Variants in IPO11 observed in about 807,000 individuals in gnomAD.
IPO11 encodes the protein importin 11, also known as importin-11.
IPO11 carries 66 observed loss-of-function variants against 143.2 expected under a neutral mutation model. That is an observed-to-expected ratio of 0.46 (90% CI 0.38 to 0.57). IPO11 has a LOEUF of 0.57. Ranked by LOEUF, IPO11 falls within the 20% of genes least tolerant of loss-of-function variation. The probability of loss-of-function intolerance (pLI) is 0.00; values close to 1 mark genes in which losing one functional copy is unlikely to be tolerated. For missense variants in IPO11, 1,026 were observed against 1,141.0 expected, an observed-to-expected ratio of 0.90 and a Z score of 1.45; for synonymous variants, 385 against 377.8, an observed-to-expected ratio of 1.02 and a Z score of -0.22.
chr5:62,428,287 C>G (rs1284629627), intron 1 of IPO11, among the ~76,000 whole-genome samples: 6 of 152,124 alleles, frequency 3.9e-5, no homozygotes, highest in African/African-American at 1.4e-4. Context: ...ATCTTGGCCT[C>G]CTAAAGTGCT....
At chr5:62,468,349 A>G (rs1745639725) in intron 6 of IPO11, among the ~76,000 whole-genome samples, 1 of 152,238 alleles carries the variant, frequency 6.6e-6, no homozygotes, top group South Asian at 2.1e-4. Flanking sequence ...CAGTCTTGGC[A>G]TCGCCTTAAT....
chr5:62,443,280 T>TA lies in IPO11; in HGVS notation c.239+205dup, dbSNP rs530816177. On this transcript the variant is annotated intron_variant, in intron 3 of 29. Transcript: ENST00000325324. ...GGAGATTTGTGAAGTGTTTGATATT[T>TA]AAAAAAAATGCAAAAAAAGTGTTTA... The TA allele has an allele frequency of 1.9e-4, 82 of 443,102 alleles. 1 individual carries two copies. The highest frequency in any genetic ancestry group is 1.2e-3 in the African/African-American group (59 of 49,168). The allele number at this position is 443,102 out of a possible 1,614,324, so 27.4% of individuals were successfully genotyped here. A position where few individuals can be genotyped will look rare whatever the true frequency, so the allele number is the denominator to read the frequency against.
At chr5:62,563,306 A>G (rs1286931921) in intron 27 of IPO11, among the ~76,000 whole-genome samples, 3 of 152,196 alleles carry the variant, frequency 2.0e-5, no homozygotes, top group Admixed American at 6.5e-5. Context: ...TAATGAATGG[A>G]AAAAAATGAG....
intron 2 of IPO11, among the ~76,000 whole-genome samples, chr5:62,440,112 G>A (rs534469727): frequency 5.3e-5 from 8 of 152,254 alleles, no homozygotes; most frequent in Admixed American, 1.3e-4. Context: ...GATTCTAGGC[G>A]TAAGACAAGA....
At chr5:62,449,540 T>C (rs894962650) in intron 3 of IPO11, among the ~76,000 whole-genome samples, 2 of 151,966 alleles carry the variant, frequency 1.3e-5, no homozygotes, top group African/African-American at 2.4e-5. Flanking sequence ...TAGGCAACTA[T>C]TTTTACATCA....
At chr5:62,484,337 A>G (rs927118097) in intron 11 of IPO11, among the ~76,000 whole-genome samples, 175 bp downstream of exon 11, 4 of 152,186 alleles carry the variant, frequency 2.6e-5, no homozygotes, top group Non-Finnish European at 1.5e-5. Flanking sequence ...GAGAAGCAGA[A>G]AATGAATGAC....
intron 28 of IPO11, among the ~76,000 whole-genome samples, chr5:62,597,939 A>G (rs1197821093): frequency 6.6e-6 from 1 of 152,098 alleles, no homozygotes; most frequent in Non-Finnish European, 1.5e-5. Flanking sequence ...TTTCTACTCC[A>G]TCCCCTCAGC....
intron 19 of IPO11, 86 bp from the exon 20 acceptor site, chr5:62,515,302 C>T: frequency 2.6e-6 from 2 of 769,884 alleles, no homozygotes; most frequent in Non-Finnish European, 4.3e-6. Flanking sequence ...CTGTCTGGGA[C>T]TTAATAGTGC....
At chr5:62,420,861 G>C (rs560052194) in intron 1 of IPO11, among the ~76,000 whole-genome samples, 1 of 152,154 alleles carries the variant, frequency 6.6e-6, no homozygotes, top group Non-Finnish European at 1.5e-5. Context: ...GATTACAGGC[G>C]TGAGCCGCCA....
chr5:62,529,280 A>G (rs966197027), intron 21 of IPO11, among the ~76,000 whole-genome samples: 1 of 152,152 alleles, frequency 6.6e-6, no homozygotes, highest in African/African-American at 2.4e-5. Context: ...CAGCAGTATC[A>G]GCTATATCTT....
chr5:62,624,122 C>G (rs1033231182), intron 29 of IPO11, among the ~76,000 whole-genome samples: 1 of 152,060 alleles, frequency 6.6e-6, no homozygotes, highest in Non-Finnish European at 1.5e-5. Flanking sequence ...ACAACCTCCA[C>G]CTCCCGGGTT....
At chr5:62,481,985 C>G (rs898002855) in intron 9 of IPO11, among the ~76,000 whole-genome samples, 4 of 152,146 alleles carry the variant, frequency 2.6e-5, no homozygotes, top group Admixed American at 2.0e-4. Context: ...CTGGTCTCTT[C>G]AGAGATTCAG....
At chr5:62,598,177 G>A (rs1156724013) in intron 28 of IPO11, among the ~76,000 whole-genome samples, 1 of 151,988 alleles carries the variant, frequency 6.6e-6, no homozygotes, top group African/African-American at 2.4e-5. Context: ...CCAGGGGAAT[G>A]GGATCTCCAT....
chr5:62,512,581 TTG>T, intron 19 of IPO11: 1 of 580,104 alleles, frequency 1.7e-6, no homozygotes, highest in Non-Finnish European at 3.1e-6. Flanking sequence ...GGACTTTTTT[TTG>T]TTGTTGTTGT....
chr5:62,500,558 C>T (rs551700407), intron 16 of IPO11, among the ~76,000 whole-genome samples: 3 of 152,186 alleles, frequency 2.0e-5, no homozygotes, highest in South Asian at 4.2e-4. Flanking sequence ...AGTACAGTGG[C>T]GTGATCATAG....
intron 1 of IPO11, among the ~76,000 whole-genome samples, chr5:62,420,105 A>G (rs536257935): frequency 3.1e-4 from 47 of 152,124 alleles, no homozygotes; most frequent in Non-Finnish European, 5.1e-4. Context: ...CCTGGCCAAC[A>G]TGGTGATACC....
At chr5:62,626,817 G>A (rs1040911766) in intron 29 of IPO11, among the ~76,000 whole-genome samples, 3 of 152,086 alleles carry the variant, frequency 2.0e-5, no homozygotes, top group Admixed American at 6.5e-5. Context: ...GAGAATGCTG[G>A]ACAATTGTAT....
intron 28 of IPO11, among the ~76,000 whole-genome samples, chr5:62,592,243 A>G (rs1286645556): frequency 6.6e-6 from 1 of 152,178 alleles, no homozygotes; most frequent in East Asian, 1.9e-4. Flanking sequence ...TTTCAAATAT[A>G]TTTTAGTCTA....
intron 1 of IPO11, among the ~76,000 whole-genome samples, chr5:62,416,529 T>C (rs247250): frequency 0.53 from 80,819 of 151,706 alleles, 21,713 homozygotes; most frequent in East Asian, 0.66. Flanking sequence ...GTTTAGGGCC[T>C]TACCCTAACA....
Sources: allele counts gnomAD v4.1 joint callset (sites outside exome capture counted in the v4.1 genomes callset), GRCh38; gene constraint gnomAD v4.1.1; transcripts MANE v1.5; gene names NCBI Gene and HGNC (gene_info 2026-07-23, HGNC 2026-07-21).